The following CD53 variants were observed in gnomAD, a reference collection of about 807,000 sequenced individuals.
CD53 encodes the protein leukocyte surface antigen CD53.
CD53 carries 20 observed loss-of-function variants against 27.3 expected under a neutral mutation model. That is an observed-to-expected ratio of 0.73 (90% CI 0.52 to 1.07). The LOEUF (loss-of-function observed/expected upper bound fraction) is 1.07. Ranked by LOEUF, CD53 falls within the 50% of genes least tolerant of loss-of-function variation. CD53 has a pLI of 0.00. For synonymous variants in CD53, 106 were observed against 105.3 expected (o/e 1.01, Z -0.04); for missense variants, 216 against 264.0 (o/e 0.82, Z 1.26).
chr1:110,884,684 T>TTTAA (rs1553203261), intron 1 of CD53, among the ~76,000 whole-genome samples: 6 of 151,128 alleles, frequency 4.0e-5, no homozygotes, highest in South Asian at 2.1e-4. Flanking sequence ...AATCAGTCCC[T>TTTAA]TTATAAAGTA....
At chr1:110,885,708 C>T (rs1656560736) in intron 1 of CD53, among the ~76,000 whole-genome samples, 1 of 151,574 alleles carries the variant, frequency 6.6e-6, no homozygotes, top group Admixed American at 6.6e-5. Flanking sequence ...ACTAAAAACA[C>T]AAAAAATTAG....
chr1:110,876,418 T>G (rs1214635959), intron 1 of CD53, among the ~76,000 whole-genome samples: 1 of 152,226 alleles, frequency 6.6e-6, no homozygotes, highest in Non-Finnish European at 1.5e-5. Context: ...TAATTGTAAA[T>G]GTAATTGATC....
At chr1:110,881,838 T>G (rs1656366539) in intron 1 of CD53, among the ~76,000 whole-genome samples, 1 of 152,214 alleles carries the variant, frequency 6.6e-6, no homozygotes, top group African/African-American at 2.4e-5. Context: ...ACCATGGTTT[T>G]AATTTGCATT....
intron 4 of CD53, among the ~76,000 whole-genome samples, 153 bp downstream of exon 4, chr1:110,894,554 G>A (rs76751155): frequency 2.0e-5 from 3 of 151,832 alleles, no homozygotes; most frequent in Non-Finnish European, 2.9e-5. Flanking sequence ...TAATTGGGGG[G>A]AAAATTTGTA....
intron 1 of CD53, among the ~76,000 whole-genome samples, chr1:110,887,825 A>G (rs1410645311): frequency 1.3e-5 from 2 of 152,218 alleles, no homozygotes; most frequent in African/African-American, 4.8e-5. Context: ...ATCAGGACTC[A>G]GCTAAATTCT....
chr1:110,887,058 G>GTTTATTTTATATTATTTTATTTTAT (rs1656650439), intron 1 of CD53, among the ~76,000 whole-genome samples: 1 of 146,772 alleles, frequency 6.8e-6, no homozygotes, highest in African/African-American at 2.5e-5. Flanking sequence ...CTCTATTTAT[G>GTTTATTTTATATTATTTTATTTTAT]TTTATTTTAT....
chr1:110,876,663 GTCT>G (rs1485125712), intron 1 of CD53, among the ~76,000 whole-genome samples: 1 of 151,884 alleles, frequency 6.6e-6, no homozygotes, highest in Non-Finnish European at 1.5e-5. Context: ...CCATAGTTTA[GTCT>G]TCTTAAAATA....
intron 3 of CD53, 92 bp from the exon 4 acceptor site, chr1:110,894,235 T>G (rs1578956): frequency 0.71 from 727,414 of 1,022,486 alleles, 265,355 homozygotes; most frequent in Admixed American, 0.76. Flanking sequence ...CACCCTGTAC[T>G]CGTGCAAATG....
At chr1:110,887,094 C>T (rs1187464972) in intron 1 of CD53, among the ~76,000 whole-genome samples, 5 of 105,872 alleles carry the variant, frequency 4.7e-5, no homozygotes, top group South Asian at 2.8e-4. Context: ...GACGGAGTCT[C>T]GCTCTGTCAC....
At chr1:110,898,606 T>C (rs1657170197) in intron 7 of CD53, among the ~76,000 whole-genome samples, 1 of 152,142 alleles carries the variant, frequency 6.6e-6, no homozygotes, top group South Asian at 2.1e-4. Context: ...TCTTTGTTTC[T>C]GTGCTTAGTT....
At chr1:110,899,090 T>C (rs370627426) in intron 7 of CD53, 34 bp from the exon 8 acceptor site, 148 of 1,573,818 alleles carry the variant, frequency 9.4e-5, no homozygotes, top group Non-Finnish European at 1.2e-4. Context: ...GCTTTTCTTA[T>C]GAAGACTTCA....
At chr1:110,892,102 A>C (rs947847892) in intron 2 of CD53, among the ~76,000 whole-genome samples, 2 of 152,248 alleles carry the variant, frequency 1.3e-5, no homozygotes, top group African/African-American at 4.8e-5. Context: ...TGTGGCTCAC[A>C]GAAGTGATCT....
In CD53 at chr1:110,877,365, AT is replaced by A. The variant is rs1263545405; in HGVS notation, c.-18+4118del. On this transcript the variant is annotated intron_variant, in intron 1 of 7. Coordinates refer to ENST00000271324, the MANE Select transcript of CD53 (RefSeq NM_000560.4). ...TGAGCATAGCCAGCCTGCAGACACCATGGACAGGCCTCTAGCCGAGGGACCC... is the reference window on the plus strand; with the variant it reads ...TGAGCATAGCCAGCCTGCAGACACCAGGACAGGCCTCTAGCCGAGGGACCC... Among the ~76,000 whole-genome samples the A allele has an allele frequency of 6.3e-4, 96 of 152,346 alleles. 1 individual carries two copies. Among genetic ancestry groups the A allele is most frequent in the Non-Finnish European group, 1.2e-3 (79 of 68,026 alleles).
rs747419467 is a variant in CD53, at chr1:110,894,324, C to T, written c.253-3C>T. 1 of 1,613,756 alleles carries T rather than the reference C, an allele frequency of 6.2e-7. No homozygotes were observed. The highest frequency in any genetic ancestry group is 8.5e-7 in the Non-Finnish European group (1 of 1,179,678). Reference sequence around the variant, plus strand: ...CTGTGAGAATGTATCTGCTTTGTCCCAGTTCTTCATCCTGCTGCTGATTAT... The same window carrying T: ...CTGTGAGAATGTATCTGCTTTGTCCTAGTTCTTCATCCTGCTGCTGATTAT... On this transcript the variant is annotated splice_region_variant and splice_polypyrimidine_tract_variant and intron_variant, in intron 3 of 7. Coordinates refer to ENST00000271324, the MANE Select transcript of CD53 (RefSeq NM_000560.4).
chr1:110,891,086 G>T (rs1053989116), intron 1 of CD53, among the ~76,000 whole-genome samples: 1 of 152,256 alleles, frequency 6.6e-6, no homozygotes, highest in Non-Finnish European at 1.5e-5. Flanking sequence ...TAGAGCTAAA[G>T]CACTGGCCTG....
At chr1:110,892,634 C>A (rs1320618085) in intron 3 of CD53, 101 bp downstream of exon 3, 13 of 985,482 alleles carry the variant, frequency 1.3e-5, no homozygotes, top group Middle Eastern at 3.3e-4. Flanking sequence ...ACAGAAAGAT[C>A]ATAGGAAAAT....
intron 1 of CD53, among the ~76,000 whole-genome samples, chr1:110,877,684 A>T (rs771482588): frequency 1.3e-5 from 2 of 152,188 alleles, no homozygotes; most frequent in Non-Finnish European, 2.9e-5. Flanking sequence ...CCTAACAGCG[A>T]CCTAGAAGAA....
Position 110,892,466 on chromosome 1 carries a change from T to A in CD53, c.185T>A (p.Ile62Asn). 2 of 1,614,132 alleles carry A rather than the reference T, an allele frequency of 1.2e-6. No individual in the cohort carries two copies. The highest frequency in any genetic ancestry group is 1.7e-4 in the Middle Eastern group (1 of 6,058). Reference sequence around the variant, plus strand: ...AATGTGTTTGTCATCGTGGGCTCTATTATCATGGTAGTTGCCTTCCTGGGC... The same window carrying A: ...AATGTGTTTGTCATCGTGGGCTCTAATATCATGGTAGTTGCCTTCCTGGGC... ...LGNVFVIVGS[I>N]IMVVAFLGCM... Residue 62 changes from isoleucine (I) to asparagine (N), a missense_variant, in exon 3 of 8, where the codon ATT (isoleucine) becomes AAT (asparagine). Ile to Asn is a moderately radical substitution (Grantham distance 149). Transcript: ENST00000271324.
At chr1:110,883,437 G>A (rs575775344) in intron 1 of CD53, among the ~76,000 whole-genome samples, 20 of 151,808 alleles carry the variant, frequency 1.3e-4, no homozygotes, top group African/African-American at 1.9e-4. Context: ...GTTCTATATC[G>A]TTAGATGCTT....
Sources: allele counts gnomAD v4.1 joint callset (sites outside exome capture counted in the v4.1 genomes callset), GRCh38; gene constraint gnomAD v4.1.1; transcripts MANE v1.5; gene names NCBI Gene and HGNC (gene_info 2026-07-23, HGNC 2026-07-21).